The following SEC14L3 variants were observed in gnomAD, a reference collection of about 807,000 sequenced individuals.
SEC14L3 encodes SEC14-like protein 3.
Under a neutral mutation model 57.4 loss-of-function variants are expected in SEC14L3, and 56 were observed. That is an observed-to-expected ratio of 0.97 (90% CI 0.79 to 1.22). SEC14L3 has a LOEUF of 1.22. Ranked by LOEUF, SEC14L3 falls within the 50% of genes most tolerant of loss-of-function variation. The probability of loss-of-function intolerance (pLI) is 0.00; values close to 1 mark genes in which losing one functional copy is unlikely to be tolerated. For synonymous variants in SEC14L3, 173 were observed against 194.4 expected, an observed-to-expected ratio of 0.89 and a Z score of 0.92; for missense variants, 485 against 511.7, an observed-to-expected ratio of 0.95 and a Z score of 0.50.
At chr22:30,465,531 C>G (rs1367132980) in intron 7 of SEC14L3, among the ~76,000 whole-genome samples, 1 of 151,550 alleles carries the variant, frequency 6.6e-6, no homozygotes. Flanking sequence ...GCCAGCCAAC[C>G]ATCCAAATAA....
At chr22:30,469,943 C>T (rs1935547385) in intron 4 of SEC14L3, 76 bp downstream of exon 4, 2 of 1,133,694 alleles carry the variant, frequency 1.8e-6, no homozygotes, top group African/African-American at 1.6e-5. Flanking sequence ...AGGCTTGCTG[C>T]CCCTCATTCA....
chr22:30,464,791 G>C, intron 8 of SEC14L3, 29 bp downstream of exon 8: 4 of 1,609,494 alleles, frequency 2.5e-6, no homozygotes, highest in Non-Finnish European at 2.6e-6. Flanking sequence ...CATGTATAGA[G>C]GTCAGGAAAT....
chr22:30,470,765 G>T, intron 1 of SEC14L3, 183 bp from the exon 2 acceptor site: 1 of 868,434 alleles, frequency 1.2e-6, no homozygotes. Context: ...TGAATGGAAG[G>T]AGGATAGATG....
chr22:30,463,220 T>TC (rs897497140), intron 8 of SEC14L3, among the ~76,000 whole-genome samples: 3 of 152,166 alleles, frequency 2.0e-5, no homozygotes, highest in African/African-American at 7.2e-5. Context: ...GGAGGGACCC[T>TC]CCCCACTTCC....
At chr22:30,461,231 C>T in intron 11 of SEC14L3, 79 bp downstream of exon 11, 1 of 1,498,872 alleles carries the variant, frequency 6.7e-7, no homozygotes, top group Admixed American at 2.2e-5. Flanking sequence ...TGTGTCACTG[C>T]CCCTCTGTTT....
downstream of SEC14L3, among the ~76,000 whole-genome samples, chr22:30,454,499 T>TATATAATCTATAATAATATTATTAG (rs1569224883): frequency 1.8e-4 from 15 of 83,032 alleles, 3 homozygotes; most frequent in Middle Eastern, 5.7e-3. Flanking sequence ...AATATTATTA[T>TATATAATCTATAATAATATTATTAG]ATATAATCTA....
chr22:30,471,880 G>A (rs768125062), intron 1 of SEC14L3, 25 bp downstream of exon 1: 1 of 1,613,316 alleles, frequency 6.2e-7, no homozygotes, highest in African/African-American at 1.3e-5. Context: ...TGGTCTTCCG[G>A]AACTCCAGGG....
chr22:30,461,973 A>G, intron 9 of SEC14L3, 113 bp downstream of exon 9: 1 of 1,198,162 alleles, frequency 8.3e-7, no homozygotes, highest in African/African-American at 1.5e-5. Context: ...TGACTAGCTT[A>G]ACACCCAGTT....
At chr22:30,456,968 C>T (rs1035590720), downstream of SEC14L3, among the ~76,000 whole-genome samples, 4 of 152,222 alleles carry the variant, frequency 2.6e-5, no homozygotes, top group Non-Finnish European at 5.9e-5. Flanking sequence ...CTTTGCACTG[C>T]TCCACCTCCT....
At chr22:30,468,140 G>C (rs773310288) in intron 5 of SEC14L3, among the ~76,000 whole-genome samples, 1 of 151,946 alleles carries the variant, frequency 6.6e-6, no homozygotes, top group African/African-American at 2.4e-5. Flanking sequence ...TTAGCCCTGC[G>C]TGGTGGCGGG....
Position 30,461,355 on chromosome 22 carries a change from T to C in SEC14L3, c.1036A>G (p.Met346Val). The stretch of plus-strand genomic sequence containing the variant: ...GTGAGGTTCCCATCCTCGGGCACCA[T>C]GTGGGCGTTATAGCGCTGGCTGGGT... ...VLPSQRYNAH[M>V]VPEDGNLTCS... Residue 346 changes from methionine (M) to valine (V), a missense_variant, in exon 11 of 12, where the codon ATG becomes GTG. Physicochemically the swap from Met to Val is conservative, Grantham distance 21. Coordinates refer to ENST00000215812, the MANE Select transcript of SEC14L3 (RefSeq NM_174975.5). 1 of 1,612,976 alleles carries C rather than the reference T, an allele frequency of 6.2e-7. No individual in the cohort carries two copies.
In SEC14L3 at chr22:30,448,836, G is replaced by A. The variant is rs572117502; in HGVS notation, c.*251C>T. 8.9e-5 allele frequency: 37 copies of A among 415,682 alleles called. No homozygotes were observed. In the East Asian group the frequency reaches 1.4e-3, roughly 16 times the overall value. The allele number at this position is 415,682 out of a possible 1,614,324, so 25.7% of individuals were successfully genotyped here. On this transcript the variant is annotated 3_prime_UTR_variant, in exon 13 of 13. Coordinates refer to the SEC14L3 transcript ENST00000403066. Reference sequence around the variant, plus strand: ...GAGCCCAAGAGCTCAAGGTTGCAGTGAGCTATGATCGCACCACTGCACTCC... The same window carrying A: ...GAGCCCAAGAGCTCAAGGTTGCAGTAAGCTATGATCGCACCACTGCACTCC...
intron 12 of SEC14L3, among the ~76,000 whole-genome samples, chr22:30,452,857 G>T (rs955503729): frequency 3.9e-5 from 6 of 151,934 alleles, no homozygotes; most frequent in African/African-American, 7.3e-5. Context: ...GGGACAACAG[G>T]TACATGCCAC....
downstream of SEC14L3, among the ~76,000 whole-genome samples, chr22:30,457,868 G>A (rs1935146946): frequency 6.6e-6 from 1 of 152,148 alleles, no homozygotes; most frequent in South Asian, 2.1e-4. Context: ...GGGGTAAGGG[G>A]CAGCCTTAGC....
In SEC14L3 at chr22:30,468,708, A is replaced by T. The variant is rs974455074; in HGVS notation, c.235-12T>A. ...TACTTCTGGATCACCTGGGCATGAA[A>T]AGATGCACAGAACTTGGCATTACAC... On this transcript the variant is annotated splice_polypyrimidine_tract_variant and intron_variant, in intron 4 of 11. Coordinates refer to ENST00000215812, the MANE Select transcript of SEC14L3 (RefSeq NM_174975.5). The T allele has an allele frequency of 2.5e-6, 4 of 1,613,532 alleles. No homozygotes were observed. In the African/African-American group the frequency reaches 5.3e-5, roughly 22 times the overall value.
At chr22:30,468,899 C>A in intron 4 of SEC14L3, 1 of 1,518,806 alleles carries the variant, frequency 6.6e-7, no homozygotes, top group Non-Finnish European at 8.8e-7. Flanking sequence ...ATGGCAAAGC[C>A]AGGTCTCAGC....
At chr22:30,454,583 AATATT>A (rs916012727), downstream of SEC14L3, among the ~76,000 whole-genome samples, 1 of 105,204 alleles carries the variant, frequency 9.5e-6, no homozygotes, top group Admixed American at 1.2e-4. Context: ...AATCTATAAT[AATATT>A]ATTATATATA....
At chr22:30,462,359 A>C in intron 8 of SEC14L3, 167 bp from the exon 9 acceptor site, 11 of 615,226 alleles carry the variant, frequency 1.8e-5, no homozygotes, top group South Asian at 7.2e-5. Context: ...TGTCTTTCTC[A>C]GCATTGTGTT....
intron 7 of SEC14L3, 23 bp downstream of exon 7, chr22:30,466,311 A>G: frequency 6.2e-7 from 1 of 1,606,504 alleles, no homozygotes; most frequent in Non-Finnish European, 8.5e-7. Flanking sequence ...AGGCACAAGT[A>G]AGTGAAGTCA....
Sources: allele counts gnomAD v4.1 joint callset (sites outside exome capture counted in the v4.1 genomes callset), GRCh38; gene constraint gnomAD v4.1.1; transcripts MANE v1.5; gene names NCBI Gene and HGNC (gene_info 2026-07-23, HGNC 2026-07-21).